Variants in SOBP observed in about 807,000 individuals in gnomAD.
SOBP encodes sine oculis binding protein homolog, also known as sine oculis-binding protein homolog.
SOBP carries 4 observed loss-of-function variants against 53.6 expected under a neutral mutation model. The ratio of observed to expected loss-of-function variants is 0.07; its 90% CI spans 0.04 to 0.17. The LOEUF is 0.17. SOBP is among the 10% of genes least tolerant of loss of function. SOBP has a pLI of 1.00. For synonymous variants in SOBP, 584 were observed against 522.6 expected (o/e 1.12, Z -1.60); for missense variants, 1,088 against 1,204.7 (o/e 0.90, Z 1.43).
chr6:107,615,330 A>G (rs776621255), intron 5 of SOBP, among the ~76,000 whole-genome samples: 2 of 152,216 alleles, frequency 1.3e-5, no homozygotes, highest in African/African-American at 2.4e-5. Flanking sequence ...TAGACTGAAT[A>G]TTAGTGGGGT....
chr6:107,546,405 A>G (rs1784301779), intron 4 of SOBP, among the ~76,000 whole-genome samples: 1 of 152,212 alleles, frequency 6.6e-6, no homozygotes, highest in South Asian at 2.1e-4. Flanking sequence ...AAAACATATG[A>G]AGGAAATAAA....
intron 4 of SOBP, among the ~76,000 whole-genome samples, chr6:107,561,890 T>C (rs1186057356): frequency 2.0e-5 from 3 of 152,224 alleles, no homozygotes; most frequent in Non-Finnish European, 4.4e-5. Flanking sequence ...ATAGATCCCT[T>C]GAATGGTGTG....
intron 4 of SOBP, among the ~76,000 whole-genome samples, chr6:107,538,652 C>G (rs567672386): frequency 6.6e-6 from 1 of 152,142 alleles, no homozygotes; most frequent in Admixed American, 6.5e-5. Context: ...TATTCACTGC[C>G]TCATGTGTAT....
chr6:107,493,225 G>A (rs779510430), intron 1 of SOBP, among the ~76,000 whole-genome samples: 18 of 150,788 alleles, frequency 1.2e-4, no homozygotes, highest in Non-Finnish European at 1.9e-4. Context: ...GCTTCATATC[G>A]GTGCCGCTGG....
intron 5 of SOBP, among the ~76,000 whole-genome samples, chr6:107,603,339 C>T (rs1189951639): frequency 6.6e-6 from 1 of 152,192 alleles, no homozygotes; most frequent in Non-Finnish European, 1.5e-5. Context: ...CAAGGTGTGT[C>T]CTTTCCTGGC....
chr6:107,499,943 T>C (rs1407527278), intron 1 of SOBP, among the ~76,000 whole-genome samples: 1 of 152,198 alleles, frequency 6.6e-6, no homozygotes, highest in Non-Finnish European at 1.5e-5. Flanking sequence ...TGTATATATA[T>C]ATGAAACAGG....
intron 4 of SOBP, among the ~76,000 whole-genome samples, chr6:107,562,646 T>C (rs1784804674): frequency 6.6e-6 from 1 of 152,312 alleles, no homozygotes; most frequent in Non-Finnish European, 1.5e-5. Context: ...CTTGTCGCCT[T>C]CTGCAAAGTA....
At chr6:107,490,787 C>T in intron 1 of SOBP, 75 bp downstream of exon 1, 1 of 1,157,542 alleles carries the variant, frequency 8.6e-7, no homozygotes, top group Non-Finnish European at 1.3e-6. Flanking sequence ...TGGTATGGAT[C>T]TGGGGGGTAC....
chr6:107,648,263 G>A (rs1386351897), intron 6 of SOBP, among the ~76,000 whole-genome samples: 1 of 152,176 alleles, frequency 6.6e-6, no homozygotes, highest in African/African-American at 2.4e-5. Flanking sequence ...GTCACAGGCA[G>A]AATTTTTGGA....
rs1197539277 is a variant in SOBP, at chr6:107,490,749, C to T, written c.96+37C>T. The T allele has an allele frequency of 7.4e-6, 11 of 1,481,760 alleles. No individual in the cohort carries two copies. The East Asian group carries it at 9.6e-5, about 13-fold the overall frequency. The allele number at this position is 1,481,760 out of a possible 1,614,324, so 91.8% of individuals were successfully genotyped here. On this transcript the variant is annotated intron_variant, in intron 1 of 6. Transcript: ENST00000317357. ...TCTCGGGGGCCAGGGAGACTGAGCT[C>T]TTTCTTGCGCCCGCTCCCCGTGGGC... is the stretch of plus-strand genomic sequence containing the variant.
At chr6:107,592,455 A>G (rs1408691446) in intron 5 of SOBP, among the ~76,000 whole-genome samples, 1 of 152,216 alleles carries the variant, frequency 6.6e-6, no homozygotes, top group Non-Finnish European at 1.5e-5. Context: ...GAAACTTAAT[A>G]GATGTCTCAG....
At chr6:107,512,198 A>G (rs1249955227) in intron 3 of SOBP, among the ~76,000 whole-genome samples, 1 of 152,248 alleles carries the variant, frequency 6.6e-6, no homozygotes, top group African/African-American at 2.4e-5. Flanking sequence ...AAAAAATCAC[A>G]TCATGAACAT....
In SOBP at chr6:107,554,096, TG is replaced by T. The variant is rs554688922; in HGVS notation, c.573+20490del. On this transcript the variant is annotated intron_variant, in intron 4 of 6. Coordinates refer to ENST00000317357, the MANE Select transcript of SOBP (RefSeq NM_018013.4). ...AGCATGAGGGACAGCGTGGCCAGACTGGGGTTTGACTTGTACTGCCTGGTAT... is the reference window on the plus strand; with the variant it reads ...AGCATGAGGGACAGCGTGGCCAGACTGGGTTTGACTTGTACTGCCTGGTAT... Among the ~76,000 whole-genome samples, 423 of 152,324 alleles carry T rather than the reference TG, an allele frequency of 2.8e-3. 4 individuals carry two copies. The highest frequency in any genetic ancestry group is 9.3e-3 in the African/African-American group (385 of 41,566).
At chr6:107,644,051 C>T (rs1299014672) in intron 6 of SOBP, among the ~76,000 whole-genome samples, 5 of 152,198 alleles carry the variant, frequency 3.3e-5, no homozygotes, top group South Asian at 2.1e-4. Flanking sequence ...CCTGTAATCC[C>T]AGCACATTGG....
intron 5 of SOBP, among the ~76,000 whole-genome samples, chr6:107,615,460 C>T (rs564209961): frequency 1.0e-3 from 155 of 152,298 alleles, no homozygotes; most frequent in African/African-American, 3.3e-3. Context: ...AAACGACAGC[C>T]TTTGGGTATG....
At chr6:107,551,614 C>T (rs868247704) in intron 4 of SOBP, among the ~76,000 whole-genome samples, 46 of 152,148 alleles carry the variant, frequency 3.0e-4, no homozygotes, top group South Asian at 2.1e-4. Flanking sequence ...TTTTAGAATA[C>T]GCAAAACAGG....
At chr6:107,621,216 C>T (rs1385379845) in intron 5 of SOBP, 1 of 535,436 alleles carries the variant, frequency 1.9e-6, no homozygotes, top group Non-Finnish European at 2.4e-6. Flanking sequence ...CCCGGGTTGT[C>T]TTGGTTCACA....
intron 5 of SOBP, among the ~76,000 whole-genome samples, chr6:107,628,113 A>T (rs1204101579): frequency 6.6e-6 from 1 of 152,216 alleles, no homozygotes; most frequent in East Asian, 1.9e-4. Flanking sequence ...TATGGCTTCC[A>T]CTATTCAAAC....
At chr6:107,629,541 A>T (rs1330399287) in intron 5 of SOBP, among the ~76,000 whole-genome samples, 1 of 152,246 alleles carries the variant, frequency 6.6e-6, no homozygotes, top group Non-Finnish European at 1.5e-5. Flanking sequence ...TTATATAAAA[A>T]TAAAGGCTCA....
Sources: gnomAD v4.1 joint callset for allele counts (sites outside exome capture counted in the v4.1 genomes callset) on GRCh38, gnomAD v4.1.1 for gene constraint, MANE v1.5 for transcripts, NCBI Gene and HGNC (gene_info 2026-07-23, HGNC 2026-07-21) for gene names.